Variants in SHISA9 observed in about 807,000 individuals in gnomAD.
The protein encoded by SHISA9 is shisa family member 9.
SHISA9 carries 13 observed loss-of-function variants against 38.0 expected under a neutral mutation model. That is an observed-to-expected ratio of 0.34 (90% CI 0.22 to 0.54). SHISA9 has a LOEUF of 0.54. Ranked by LOEUF, SHISA9 falls within the 20% of genes least tolerant of loss-of-function variation. The pLI, the probability that SHISA9 is intolerant of heterozygous loss-of-function variation, is 0.91. For synonymous variants in SHISA9, 275 were observed against 242.0 expected (o/e 1.14, Z -1.27); for missense variants, 538 against 575.8 (o/e 0.93, Z 0.67).
intron 2 of SHISA9, among the ~76,000 whole-genome samples, chr16:13,125,078 C>G (rs2050244733): frequency 6.6e-6 from 1 of 151,906 alleles, no homozygotes; most frequent in Admixed American, 6.6e-5. Flanking sequence ...TGAGTAATAC[C>G]CAATAAGCAC....
At chr16:13,419,391 C>G in the SHISA9 span, among the ~76,000 whole-genome samples, 1 of 152,192 alleles carries the variant, frequency 6.6e-6, no homozygotes, top group Non-Finnish European at 1.5e-5. Context: ...AATCTCAAAA[C>G]TAGAAATATT....
intron 2 of SHISA9, among the ~76,000 whole-genome samples, chr16:13,147,034 ATGAG>A (rs756497059): frequency 5.3e-5 from 8 of 152,300 alleles, no homozygotes; most frequent in South Asian, 2.1e-4. Context: ...GAATGAATGA[ATGAG>A]TGAGTATAGT....
chr16:12,925,430 T>A (rs2071380617), intron 2 of SHISA9, among the ~76,000 whole-genome samples: 1 of 137,144 alleles, frequency 7.3e-6, no homozygotes, highest in East Asian at 2.3e-4. Flanking sequence ...ACCCAGAAAA[T>A]GAGATTGTGT....
the SHISA9 span, among the ~76,000 whole-genome samples, chr16:13,461,780 A>C: frequency 3.3e-5 from 5 of 150,976 alleles, no homozygotes; most frequent in Non-Finnish European, 7.4e-5. Flanking sequence ...CGCCCAGCTA[A>C]TTTTTTGTAT....
At chr16:13,211,089 G>A (rs2051114625) in intron 3 of SHISA9, among the ~76,000 whole-genome samples, 1 of 152,118 alleles carries the variant, frequency 6.6e-6, no homozygotes, top group Admixed American at 6.5e-5. Context: ...TTGAGATCAG[G>A]AGTTCGAGAC....
At position 13,108,395 on chromosome 16, in the gene SHISA9, G is replaced by A. The variant is rs181070171; in HGVS notation, c.692-94999G>A. Among the ~76,000 whole-genome samples, 199 of 152,180 alleles carry A rather than the reference G, an allele frequency of 1.3e-3. 1 individual carries two copies. The highest frequency in any genetic ancestry group is 2.5e-4 in the Non-Finnish European group (17 of 68,022). Reference sequence around the variant, plus strand: ...TCCTCCTGCCTTGGCTTCCTGAGTCGCTGGGACTGCAGGCAGGCACCATCA... The same window carrying A: ...TCCTCCTGCCTTGGCTTCCTGAGTCACTGGGACTGCAGGCAGGCACCATCA... On this transcript the variant is annotated intron_variant, in intron 2 of 4. Coordinates refer to ENST00000558583, the MANE Select transcript of SHISA9 (RefSeq NM_001145204.3).
At chr16:13,297,521 G>A in the SHISA9 span, among the ~76,000 whole-genome samples, 4,052 of 152,260 alleles carry the variant, frequency 0.027, 176 homozygotes, top group African/African-American at 0.091. Flanking sequence ...TAAAGTGGAA[G>A]ATACCTGAGT....
At chr16:13,214,156 G>A (rs914221031) in intron 4 of SHISA9, among the ~76,000 whole-genome samples, 2 of 152,114 alleles carry the variant, frequency 1.3e-5, no homozygotes, top group African/African-American at 4.8e-5. Context: ...GTTGGACTTG[G>A]TGGAGAAGTA....
the SHISA9 span, among the ~76,000 whole-genome samples, chr16:13,315,137 C>T: frequency 1.4e-4 from 21 of 152,092 alleles, no homozygotes; most frequent in African/African-American, 2.4e-4. Context: ...CTTTGGAGTC[C>T]GGCAGACCTG....
At position 13,237,794 on chromosome 16, in the gene SHISA9, C is replaced by T. The variant is rs537508557; in HGVS notation, c.*2385C>T. On this transcript the variant is annotated 3_prime_UTR_variant, in exon 5 of 5. Coordinates refer to ENST00000558583, the MANE Select transcript of SHISA9 (RefSeq NM_001145204.3). ...CACCTTCTCAGCCTCCTTGGGAAGACCCCAGAGCTTCCCAGAGTCAAGTAA... is the reference window on the plus strand; with the variant it reads ...CACCTTCTCAGCCTCCTTGGGAAGATCCCAGAGCTTCCCAGAGTCAAGTAA... 15 of 152,048 alleles carry T rather than the reference C, an allele frequency of 9.9e-5. No homozygotes were observed. Among genetic ancestry groups the T allele is most frequent in the Non-Finnish European group, 1.5e-4 (10 of 68,024 alleles). 9.4% of individuals were successfully genotyped at this position (152,048 alleles called of 1,614,324 possible).
rs78941462 is a variant in SHISA9 at position 13,172,705 on chromosome 16, A to G, written c.692-30689A>G. ...GGCCCATGAGAGAGTACCAAGAACA[A>G]TCATATGACTTAATTACAATTCACT... On this transcript the variant is annotated intron_variant, in intron 2 of 4. Coordinates refer to ENST00000558583, the MANE Select transcript of SHISA9 (RefSeq NM_001145204.3). 4.5e-3 allele frequency among the ~76,000 whole-genome samples: 679 copies of G among 150,572 alleles called. 4 individuals carry two copies. The highest frequency in any genetic ancestry group is 0.016 in the African/African-American group (647 of 40,934).
chr16:13,149,230 TG>T (rs2050475624), intron 2 of SHISA9, among the ~76,000 whole-genome samples: 1 of 152,052 alleles, frequency 6.6e-6, no homozygotes, highest in African/African-American at 2.4e-5. Flanking sequence ...ACTCTCTTGA[TG>T]GGAGACAAGT....
At chr16:13,023,367 G>T (rs2141868742) in intron 2 of SHISA9, among the ~76,000 whole-genome samples, 1 of 152,240 alleles carries the variant, frequency 6.6e-6, no homozygotes, top group South Asian at 2.1e-4. Context: ...TTTTATGGCT[G>T]CACAGTATTC....
At chr16:13,091,597 C>T (rs2073775758) in intron 2 of SHISA9, among the ~76,000 whole-genome samples, 2 of 152,212 alleles carry the variant, frequency 1.3e-5, no homozygotes, top group Non-Finnish European at 2.9e-5. Context: ...GAATCAGCTA[C>T]TGAAGCTTGT....
chr16:13,162,017 A>G (rs153089), intron 2 of SHISA9, among the ~76,000 whole-genome samples: 119,161 of 152,106 alleles, frequency 0.78, 46,755 homozygotes, highest in East Asian at 0.88. Context: ...AATTCAAGTG[A>G]TAAACCAACC....
intron 2 of SHISA9, among the ~76,000 whole-genome samples, chr16:12,983,366 T>G (rs1385649926): frequency 1.3e-5 from 2 of 152,246 alleles, no homozygotes; most frequent in Admixed American, 1.3e-4. Context: ...TGTTTGTCCC[T>G]CAGAGATATT....
chr16:12,992,870 C>A (rs977115573), intron 2 of SHISA9, among the ~76,000 whole-genome samples: 2 of 152,168 alleles, frequency 1.3e-5, no homozygotes, highest in African/African-American at 4.8e-5. Context: ...ACTTCACATG[C>A]TTTATCTCTT....
At chr16:13,393,323 C>A in the SHISA9 span, among the ~76,000 whole-genome samples, 10 of 152,224 alleles carry the variant, frequency 6.6e-5, no homozygotes, top group Non-Finnish European at 1.2e-4. Context: ...AAGAGCCCAG[C>A]ATTTTCACTT....
At chr16:13,307,984 G>C in the SHISA9 span, among the ~76,000 whole-genome samples, 1 of 152,136 alleles carries the variant, frequency 6.6e-6, no homozygotes, top group African/African-American at 2.4e-5. Context: ...CATATATTCT[G>C]AGTGCCATAT....
Sources: gnomAD v4.1 joint callset for allele counts (sites outside exome capture counted in the v4.1 genomes callset) on GRCh38, gnomAD v4.1.1 for gene constraint, MANE v1.5 for transcripts, NCBI Gene and HGNC (gene_info 2026-07-23, HGNC 2026-07-21) for gene names.